ATOSA: variants seen among roughly 807,000 people sequenced by gnomAD.
ATOSA encodes atos homolog protein A.
chr15:52,678,133 CA>C, the ATOSA span: 1 of 1,323,978 alleles, frequency 7.6e-7, no homozygotes, highest in Non-Finnish European at 1.1e-6. Context: ...CTGAAAGAGA[CA>C]AAAATAAAAT....
the ATOSA span, among the ~76,000 whole-genome samples, chr15:52,686,596 TA>T: frequency 2.0e-5 from 3 of 152,236 alleles, no homozygotes; most frequent in African/African-American, 7.2e-5. Flanking sequence ...CAACTTGTAG[TA>T]CCTTTTTGAT....
chr15:52,688,096 G>T, the ATOSA span, among the ~76,000 whole-genome samples: 1 of 152,200 alleles, frequency 6.6e-6, no homozygotes, highest in Non-Finnish European at 1.5e-5. Flanking sequence ...CTGACCCGTA[G>T]ATTCATAAGA....
At chr15:52,602,153 T>C in the ATOSA span, among the ~76,000 whole-genome samples, 1 of 152,356 alleles carries the variant, frequency 6.6e-6, no homozygotes, top group South Asian at 2.1e-4. Context: ...TCCTAAATAT[T>C]TGTCTACTCA....
chr15:52,635,578 C>G, the ATOSA span, among the ~76,000 whole-genome samples: 1 of 152,040 alleles, frequency 6.6e-6, no homozygotes, highest in Non-Finnish European at 1.5e-5. Context: ...AGCCTGCAGT[C>G]CCAGCTACTT....
chr15:52,601,108 G>A, the ATOSA span: 1 of 1,538,550 alleles, frequency 6.5e-7, no homozygotes. Flanking sequence ...AAGCTTTTCA[G>A]ATGTAGTAAT....
chr15:52,645,471 T>A, the ATOSA span, among the ~76,000 whole-genome samples: 70 of 152,170 alleles, frequency 4.6e-4, no homozygotes, highest in East Asian at 0.012. Context: ...AATAATTTTT[T>A]AAAAGATAAA....
At chr15:52,582,455 A>G in the ATOSA span, 25 of 656,074 alleles carry the variant, frequency 3.8e-5, no homozygotes, top group South Asian at 5.6e-4. Context: ...AGATCTTTCT[A>G]AAGACCAAAG....
At chr15:52,683,135 A>G in the ATOSA span, among the ~76,000 whole-genome samples, 1 of 152,166 alleles carries the variant, frequency 6.6e-6, no homozygotes, top group Non-Finnish European at 1.5e-5. Flanking sequence ...GAGGTCTCCG[A>G]CCCACCAAGA....
chr15:52,609,901 G>A, the ATOSA span: 2 of 1,611,706 alleles, frequency 1.2e-6, no homozygotes, highest in African/African-American at 1.3e-5. Context: ...CATTGAAAAT[G>A]ATTTTAAAGT....
At chr15:52,707,737 C>T in the ATOSA span, among the ~76,000 whole-genome samples, 1 of 151,962 alleles carries the variant, frequency 6.6e-6, no homozygotes, top group Non-Finnish European at 1.5e-5. Flanking sequence ...ATGATATTTG[C>T]CACATACTCC....
the ATOSA span, among the ~76,000 whole-genome samples, chr15:52,667,157 A>G: frequency 7.7e-4 from 117 of 152,344 alleles, no homozygotes; most frequent in African/African-American, 2.7e-3. Context: ...TGTGTTATCA[A>G]TGGAATAAAA....
chr15:52,649,247 A>T, the ATOSA span, among the ~76,000 whole-genome samples: 2 of 152,202 alleles, frequency 1.3e-5, no homozygotes, highest in African/African-American at 4.8e-5. Flanking sequence ...TCAAACTATG[A>T]ACAAGTAATG....
the ATOSA span, among the ~76,000 whole-genome samples, chr15:52,674,119 A>T: frequency 6.6e-6 from 1 of 152,248 alleles, no homozygotes; most frequent in African/African-American, 2.4e-5. Context: ...CTTTCATAGC[A>T]GTTTTGATTA....
the ATOSA span, among the ~76,000 whole-genome samples, chr15:52,686,571 T>C: frequency 4.6e-5 from 7 of 152,210 alleles, no homozygotes; most frequent in South Asian, 2.1e-4. Context: ...ATGTAGTAGA[T>C]AGAGCATGAT....
the ATOSA span, chr15:52,652,125 C>T: frequency 2.3e-6 from 3 of 1,315,438 alleles, no homozygotes; most frequent in Admixed American, 9.6e-5. Flanking sequence ...GCTCAACCTC[C>T]CCTGCTCGCT....
At chr15:52,645,031 A>C in the ATOSA span, among the ~76,000 whole-genome samples, 5 of 152,246 alleles carry the variant, frequency 3.3e-5, no homozygotes, top group African/African-American at 1.2e-4. Context: ...TGTGTTAAAA[A>C]CTGTCTGAGA....
the ATOSA span, among the ~76,000 whole-genome samples, chr15:52,596,314 A>C: frequency 2.6e-5 from 4 of 152,360 alleles, no homozygotes; most frequent in South Asian, 8.3e-4. Context: ...GAAATAGACA[A>C]GATGATTCTA....
chr15:52,673,149 A>G, the ATOSA span, among the ~76,000 whole-genome samples: 1 of 152,274 alleles, frequency 6.6e-6, no homozygotes. Flanking sequence ...CACTGTTTTA[A>G]GCATATTACA....
At chr15:52,592,239 A>C in the ATOSA span, among the ~76,000 whole-genome samples, 1 of 152,286 alleles carries the variant, frequency 6.6e-6, no homozygotes, top group Non-Finnish European at 1.5e-5. Context: ...CAGTTGGGCC[A>C]GATAGTAAGT....
Sources: gnomAD v4.1 joint callset for allele counts (sites outside exome capture counted in the v4.1 genomes callset) on GRCh38, gnomAD v4.1.1 for gene constraint, MANE v1.5 for transcripts, NCBI Gene and HGNC (gene_info 2026-07-23, HGNC 2026-07-21) for gene names.